The following RBFOX1 variants were observed in gnomAD, a reference collection of about 807,000 sequenced individuals.
RBFOX1 encodes the protein RNA binding fox-1 homolog 1.
RBFOX1 carries 8 observed loss-of-function variants against 57.7 expected under a neutral mutation model. The ratio of observed to expected loss-of-function variants is 0.14; its 90% CI spans 0.08 to 0.25. RBFOX1 has a LOEUF of 0.25. Ranked by LOEUF, RBFOX1 falls within the 10% of genes least tolerant of loss-of-function variation. The probability of loss-of-function intolerance (pLI) is 1.00; values close to 1 mark genes in which losing one functional copy is unlikely to be tolerated. For missense variants in RBFOX1, 611 were observed against 548.5 expected (o/e 1.11, Z -1.14); for synonymous variants, 326 against 222.4 (o/e 1.47, Z -4.15).
intron 3 of RBFOX1, among the ~76,000 whole-genome samples, chr16:6,969,002 G>A (rs1325660391): frequency 6.6e-6 from 1 of 152,048 alleles, no homozygotes; most frequent in Non-Finnish European, 1.5e-5. Context: ...TCTGAGCAAA[G>A]TCAGAATGTT....
chr16:7,691,210 C>A (rs2077241748), intron 14 of RBFOX1, among the ~76,000 whole-genome samples: 1 of 128,252 alleles, frequency 7.8e-6, no homozygotes, highest in South Asian at 2.5e-4. Context: ...GAGAACTCTG[C>A]CTTGAAACAG....
At chr16:7,555,813 A>T (rs1033491347) in intron 5 of RBFOX1, among the ~76,000 whole-genome samples, 2 of 152,156 alleles carry the variant, frequency 1.3e-5, no homozygotes, top group African/African-American at 4.8e-5. Flanking sequence ...GAAAATGTCA[A>T]GCCTACCTCC....
At chr16:6,078,617 G>T (rs1380935767) in intron 1 of RBFOX1, among the ~76,000 whole-genome samples, 3 of 152,174 alleles carry the variant, frequency 2.0e-5, no homozygotes. Flanking sequence ...TCCTTTAGAT[G>T]CTGCTGCATT....
intron 4 of RBFOX1, among the ~76,000 whole-genome samples, chr16:5,890,424 C>T (rs534096465): frequency 7.9e-5 from 12 of 152,146 alleles, no homozygotes; most frequent in East Asian, 1.9e-4. Context: ...GAAGGCTGGG[C>T]GCAGTGGCTC....
intron 3 of RBFOX1, among the ~76,000 whole-genome samples, chr16:5,847,315 G>A (rs2056781541): frequency 6.7e-6 from 1 of 148,980 alleles, no homozygotes; most frequent in Admixed American, 6.7e-5. Flanking sequence ...ATGACCTTGG[G>A]CAAGCCATAA....
intron 4 of RBFOX1, among the ~76,000 whole-genome samples, chr16:7,355,741 G>A (rs1201480183): frequency 6.6e-6 from 1 of 152,114 alleles, no homozygotes; most frequent in African/African-American, 2.4e-5. Context: ...CACAAAAAAG[G>A]GTATGATGGA....
In RBFOX1 at chr16:6,382,908, A is replaced by G. The variant is rs570579265; in HGVS notation, c.-64+65851A>G. Among the ~76,000 whole-genome samples, 4 of 152,306 alleles carry G rather than the reference A, an allele frequency of 2.6e-5. No individual in the cohort carries two copies. In the East Asian group the frequency reaches 7.7e-4, roughly 29 times the overall value. ...CAAGCCCACTGAAAAGTGTTAAGTT[A>G]TTACCCAAAGCAGGAGAAGCAGCAC... On this transcript the variant is annotated intron_variant, in intron 2 of 15. Transcript: ENST00000550418.
At chr16:5,832,305 C>A (rs1327344706) in intron 3 of RBFOX1, among the ~76,000 whole-genome samples, 1 of 152,212 alleles carries the variant, frequency 6.6e-6, no homozygotes, top group Non-Finnish European at 1.5e-5. Context: ...CCAAACCTTA[C>A]TGGCTAATGG....
chr16:7,204,657 A>C (rs1193348884), intron 4 of RBFOX1, among the ~76,000 whole-genome samples: 1 of 152,076 alleles, frequency 6.6e-6, no homozygotes, highest in Non-Finnish European at 1.5e-5. Flanking sequence ...AGAAAATAAA[A>C]ATGAAAAAGT....
At chr16:7,141,367 C>T (rs1351054788) in intron 4 of RBFOX1, among the ~76,000 whole-genome samples, 1 of 152,100 alleles carries the variant, frequency 6.6e-6, no homozygotes, top group African/African-American at 2.4e-5. Context: ...ACAGATAGGA[C>T]CCCTTCTCTG....
intron 1 of RBFOX1, among the ~76,000 whole-genome samples, chr16:6,138,948 C>G (rs1233768291): frequency 2.0e-5 from 3 of 152,150 alleles, no homozygotes; most frequent in African/African-American, 4.8e-5. Context: ...AGGACTTGCC[C>G]ACACTGAAGA....
chr16:6,895,453 T>C (rs1297184338), intron 3 of RBFOX1, among the ~76,000 whole-genome samples: 1 of 56,042 alleles, frequency 1.8e-5, no homozygotes, highest in Non-Finnish European at 3.6e-5. Flanking sequence ...TGTGTGTATA[T>C]ATATATATAT....
chr16:6,349,570 A>G (rs142731598), intron 2 of RBFOX1, among the ~76,000 whole-genome samples: 44 of 152,368 alleles, frequency 2.9e-4, no homozygotes, highest in African/African-American at 1.0e-3. Flanking sequence ...AACAATTTGC[A>G]TGGCTTACTA....
At chr16:7,517,708 C>G (rs1239468836) in intron 4 of RBFOX1, among the ~76,000 whole-genome samples, 1 of 151,986 alleles carries the variant, frequency 6.6e-6, no homozygotes, top group East Asian at 1.9e-4. Context: ...CAAGAACACA[C>G]ACGTTCAATT....
chr16:5,319,920 G>A (rs901531618), intron 1 of RBFOX1, among the ~76,000 whole-genome samples: 10 of 152,128 alleles, frequency 6.6e-5, no homozygotes, highest in African/African-American at 2.4e-4. Context: ...AGTGCAGAAG[G>A]TTTTCATGGG....
chr16:5,934,822 T>C (rs2059135817), intron 4 of RBFOX1, among the ~76,000 whole-genome samples: 4 of 152,136 alleles, frequency 2.6e-5, no homozygotes, highest in Admixed American at 2.6e-4. Context: ...TGATATTCAG[T>C]GAAAGAGCAG....
At chr16:6,055,400 C>T (rs2095602172) in intron 1 of RBFOX1, among the ~76,000 whole-genome samples, 1 of 151,764 alleles carries the variant, frequency 6.6e-6, no homozygotes, top group Non-Finnish European at 1.5e-5. Context: ...CTAGACCCGC[C>T]TGGCCAATAT....
At chr16:7,618,498 T>G (rs373822672) in intron 10 of RBFOX1, among the ~76,000 whole-genome samples, 1 of 152,184 alleles carries the variant, frequency 6.6e-6, no homozygotes, top group Non-Finnish European at 1.5e-5. Context: ...TTTAAGAAAG[T>G]AAATTACCAG....
At chr16:7,539,807 G>C (rs3785256) in intron 5 of RBFOX1, among the ~76,000 whole-genome samples, 18,728 of 152,226 alleles carry the variant, frequency 0.12, 1,211 homozygotes, top group African/African-American at 0.17. Context: ...CGAGAGAGGA[G>C]TCATTATCAG....
Sources: allele counts gnomAD v4.1 joint callset (sites outside exome capture counted in the v4.1 genomes callset), GRCh38; gene constraint gnomAD v4.1.1; transcripts MANE v1.5; gene names NCBI Gene and HGNC (gene_info 2026-07-23, HGNC 2026-07-21).